Variants in AOPEP observed in about 807,000 individuals in gnomAD.
AOPEP encodes the protein aminopeptidase O (putative).
In AOPEP, 77 loss-of-function variants were observed where a neutral mutation model predicts 98.1. The ratio of observed to expected loss-of-function variants is 0.78; its 90% CI spans 0.65 to 0.95. The LOEUF (loss-of-function observed/expected upper bound fraction) is 0.95, where lower values mean the gene tolerates loss of function less well. Among genes scored for constraint, AOPEP ranks in the 40% least tolerant of loss-of-function variants. The probability of loss-of-function intolerance (pLI) is 0.00; values close to 1 mark genes in which losing one functional copy is unlikely to be tolerated. For synonymous variants in AOPEP, 346 were observed against 365.3 expected, an observed-to-expected ratio of 0.95 and a Z score of 0.60; for missense variants, 1,024 against 1,024.7, an observed-to-expected ratio of 1.00 and a Z score of 0.01.
chr9:94,937,605 G>A (rs1371129502), intron 7 of AOPEP, among the ~76,000 whole-genome samples: 1 of 152,150 alleles, frequency 6.6e-6, no homozygotes, highest in East Asian at 1.9e-4. Context: ...TTACCTCCAT[G>A]CCTTTTAAAG....
chr9:94,875,154 C>G (rs12344044), intron 5 of AOPEP, among the ~76,000 whole-genome samples: 105 of 152,134 alleles, frequency 6.9e-4, no homozygotes, highest in African/African-American at 2.4e-3. Context: ...AGTAGCCTTT[C>G]TGCTACCCTT....
chr9:94,876,961 A>G (rs922746565), intron 5 of AOPEP, among the ~76,000 whole-genome samples: 1 of 152,126 alleles, frequency 6.6e-6, no homozygotes, highest in African/African-American at 2.4e-5. Flanking sequence ...TTCCCAATTT[A>G]CAGATTATCT....
chr9:95,095,493 G>A, the AOPEP span, among the ~76,000 whole-genome samples: 3 of 152,320 alleles, frequency 2.0e-5, no homozygotes, highest in South Asian at 4.1e-4. Flanking sequence ...TAGGAAATTC[G>A]CTTTTTTCAT....
At position 94,798,166 on chromosome 9, in the gene AOPEP, T is replaced by TA. The variant is rs1460000694; in HGVS notation, c.1119-2591_1119-2590insA. Among the ~76,000 whole-genome samples the TA allele has an allele frequency of 3.9e-5, 6 of 152,322 alleles. No individual in the cohort carries two copies. The East Asian group carries it at 9.6e-4, about 24-fold the overall frequency. ...TGAAGCCCAGGTTTCCTGATCCCTA[T>TA]GTGGGAACGCAGAAGTGGCTTTCCT... is the stretch of plus-strand genomic sequence containing the variant. On this transcript the variant is annotated intron_variant, in intron 4 of 16. Transcript: ENST00000375315.
At chr9:94,764,002 A>C (rs10739983) in intron 2 of AOPEP, among the ~76,000 whole-genome samples, 63,988 of 152,068 alleles carry the variant, frequency 0.42, 13,835 homozygotes, top group East Asian at 0.52. Context: ...CTATACAGTC[A>C]GTGACTCCCT....
chr9:94,902,743 T>C (rs752914319), intron 5 of AOPEP, among the ~76,000 whole-genome samples: 2 of 152,050 alleles, frequency 1.3e-5, no homozygotes, highest in Non-Finnish European at 2.9e-5. Context: ...GAAAGAAAAT[T>C]TAAAGCTCTT....
intron 4 of AOPEP, among the ~76,000 whole-genome samples, chr9:94,793,888 A>T (rs1220023726): frequency 2.0e-5 from 3 of 152,148 alleles, no homozygotes; most frequent in Admixed American, 6.5e-5. Context: ...TTCAGTGCTT[A>T]TGTGGTCAAA....
intron 13 of AOPEP, among the ~76,000 whole-genome samples, chr9:95,037,873 G>T (rs1456242995): frequency 1.3e-5 from 2 of 152,206 alleles, no homozygotes; most frequent in Non-Finnish European, 2.9e-5. Flanking sequence ...AATTTACAGT[G>T]ATCTTGACCG....
intron 14 of AOPEP, among the ~76,000 whole-genome samples, chr9:95,080,091 G>A (rs1288664959): frequency 1.3e-5 from 2 of 152,322 alleles, no homozygotes; most frequent in African/African-American, 4.8e-5. Context: ...GTCGGAATGT[G>A]CATTGAATTT....
At chr9:95,002,031 G>A (rs1022778032) in intron 11 of AOPEP, among the ~76,000 whole-genome samples, 1 of 151,058 alleles carries the variant, frequency 6.6e-6, no homozygotes, top group Admixed American at 6.6e-5. Context: ...CTCCCACCCC[G>A]GCCTCCCAAA....
chr9:94,752,085 C>T (rs769303109), intron 1 of AOPEP, among the ~76,000 whole-genome samples: 1 of 151,818 alleles, frequency 6.6e-6, no homozygotes, highest in Non-Finnish European at 1.5e-5. Flanking sequence ...GAGAGGTCTT[C>T]CTATGTTACC....
At chr9:95,075,803 C>T (rs1213930930) in intron 14 of AOPEP, among the ~76,000 whole-genome samples, 1 of 152,192 alleles carries the variant, frequency 6.6e-6, no homozygotes, top group Non-Finnish European at 1.5e-5. Context: ...CAGAGGATCG[C>T]TTGAGCCTGG....
chr9:95,033,400 C>T (rs2064497513), intron 13 of AOPEP, among the ~76,000 whole-genome samples: 1 of 152,134 alleles, frequency 6.6e-6, no homozygotes, highest in Non-Finnish European at 1.5e-5. Context: ...TCCCTCTCCT[C>T]CCTCCCTGTT....
intron 5 of AOPEP, among the ~76,000 whole-genome samples, chr9:94,802,164 C>A (rs1424250077): frequency 6.6e-6 from 1 of 151,912 alleles, no homozygotes; most frequent in Non-Finnish European, 1.5e-5. Flanking sequence ...TAGAATTTTT[C>A]TTAATGGAGG....
chr9:94,749,321 T>A (rs1018418152), intron 1 of AOPEP, among the ~76,000 whole-genome samples: 1 of 152,206 alleles, frequency 6.6e-6, no homozygotes, highest in Non-Finnish European at 1.5e-5. Flanking sequence ...TCTTCTTTAC[T>A]TTAGAGGTCC....
chr9:95,045,880 C>T (rs909984052), intron 13 of AOPEP, among the ~76,000 whole-genome samples: 9 of 152,244 alleles, frequency 5.9e-5, no homozygotes, highest in Non-Finnish European at 7.4e-5. Context: ...CCGGCCCCTG[C>T]GGAATGGAGA....
At chr9:95,056,841 C>T (rs932073140) in intron 13 of AOPEP, among the ~76,000 whole-genome samples, 12 of 152,280 alleles carry the variant, frequency 7.9e-5, no homozygotes, top group Middle Eastern at 3.4e-3. Context: ...ACTTGACTGA[C>T]CTCGTTTAGC....
intron 11 of AOPEP, among the ~76,000 whole-genome samples, chr9:94,988,920 T>G (rs2060688681): frequency 6.6e-6 from 1 of 151,690 alleles, no homozygotes; most frequent in Non-Finnish European, 1.5e-5. Flanking sequence ...TTCTTTTTTT[T>G]TTTTTTTAGA....
intron 14 of AOPEP, among the ~76,000 whole-genome samples, chr9:95,063,138 A>T (rs2067477572): frequency 6.6e-6 from 1 of 152,206 alleles, no homozygotes; most frequent in Non-Finnish European, 1.5e-5. Context: ...CCGAAGGGAA[A>T]TCCGTTCCAC....
Sources: allele counts gnomAD v4.1 joint callset (sites outside exome capture counted in the v4.1 genomes callset), GRCh38; gene constraint gnomAD v4.1.1; transcripts MANE v1.5; gene names NCBI Gene and HGNC (gene_info 2026-07-23, HGNC 2026-07-21).